UGT1A6: variants seen among roughly 807,000 people sequenced by gnomAD.
The protein encoded by UGT1A6 is UDP glucuronosyltransferase family 1 member A6, also known as UDP-glucuronosyltransferase 1A6.
Under a neutral mutation model 44.4 loss-of-function variants are expected in UGT1A6, and 32 were observed. The observed-to-expected ratio is 0.72, with a 90% confidence interval of 0.54 to 0.97. UGT1A6 has a LOEUF of 0.97. UGT1A6 is among the 50% of genes least tolerant of loss of function. The probability of loss-of-function intolerance (pLI) is 0.00; values close to 1 mark genes in which losing one functional copy is unlikely to be tolerated. For missense variants in UGT1A6, 685 were observed against 661.9 expected (o/e 1.03, Z -0.38); for synonymous variants, 238 against 248.5 (o/e 0.96, Z 0.40).
chr2:233,713,501 G>T (rs771192795), intron 1 of UGT1A6: 2 of 1,613,952 alleles, frequency 1.2e-6, no homozygotes, highest in African/African-American at 2.7e-5. Flanking sequence ...TTCCTGCTGT[G>T]TTTTTCTTGA....
intron 1 of UGT1A6, chr2:233,717,746 TC>T: frequency 2.2e-6 from 1 of 456,424 alleles, no homozygotes; most frequent in South Asian, 1.5e-5. Flanking sequence ...GCTCAGGGTC[TC>T]CCCCTAGAAA....
intron 1 of UGT1A6, among the ~76,000 whole-genome samples, chr2:233,712,488 T>C (rs2076236717): frequency 1.3e-5 from 2 of 152,212 alleles, no homozygotes; most frequent in Admixed American, 1.3e-4. Flanking sequence ...TAAAGAAAGC[T>C]GGCTTAGCAA....
rs536544989 is a variant in UGT1A6 at position 233,747,339 on chromosome 2, C to T, written c.862-19695C>T. 4.1e-5 allele frequency: 65 copies of T among 1,603,348 alleles called. 1 individual carries two copies. The highest frequency in any genetic ancestry group is 5.4e-5 in the African/African-American group (4 of 74,450). ...TACCCATTGATGGCAGCCACTGGCT[C>T]GCATGCGGGAGGCCGTGCGGGAGCT... On this transcript the variant is annotated intron_variant, in intron 1 of 4. Transcript: ENST00000305139.
chr2:233,733,332 C>T (rs1191516826), intron 1 of UGT1A6, among the ~76,000 whole-genome samples: 5 of 152,198 alleles, frequency 3.3e-5, no homozygotes, highest in East Asian at 1.9e-4. Context: ...CTGGCCAGAA[C>T]TTCCAACAGT....
In UGT1A6 at chr2:233,772,555, A is replaced by C. The variant is rs1350310639; in HGVS notation, c.1595A>C (p.His532Pro). 3 of 1,613,990 alleles carry C rather than the reference A, an allele frequency of 1.9e-6. No homozygotes were observed. Among genetic ancestry groups the C allele is most frequent in the East Asian group, 4.5e-5 (2 of 44,878 alleles). Residue 532 changes from histidine (H) to proline (P), a missense_variant, in exon 5 of 5, where the codon CAT becomes CCT. By Grantham distance (77) the His-to-Pro change is moderately conservative (BLOSUM62 -2). Coordinates refer to ENST00000305139, the MANE Select transcript of UGT1A6 (RefSeq NM_001072.4). ...AAGAAAGCCCACAAATCCAAGACCCATTGAGAAGTGGGTGGGAAATAAGGT... is the reference window on the plus strand; with the variant it reads ...AAGAAAGCCCACAAATCCAAGACCCCTTGAGAAGTGGGTGGGAAATAAGGT... Reference protein sequence around the residue: ...RVKKAHKSKTH With the variant: ...RVKKAHKSKTP
intron 1 of UGT1A6, chr2:233,747,082 G>A (rs1458761598): frequency 2.6e-6 from 3 of 1,146,350 alleles, no homozygotes; most frequent in Non-Finnish European, 3.6e-6. Flanking sequence ...TTAACTAGGA[G>A]GAGAGCACTC....
intron 1 of UGT1A6, chr2:233,712,880 A>G (rs1299696609): frequency 5.6e-6 from 9 of 1,597,918 alleles, no homozygotes; most frequent in Admixed American, 1.7e-5. Flanking sequence ...TCTGTCTTCA[A>G]TTACATGTTG....
intron 2 of UGT1A6, 69 bp from the exon 3 acceptor site, chr2:233,767,780 G>A (rs1699481282): frequency 1.9e-6 from 3 of 1,613,138 alleles, no homozygotes; most frequent in Non-Finnish European, 2.5e-6. Flanking sequence ...TTTCTAGTTA[G>A]TATAGCAGAT....
At chr2:233,765,715 T>C (rs1435382994) in intron 1 of UGT1A6, among the ~76,000 whole-genome samples, 2 of 140,082 alleles carry the variant, frequency 1.4e-5, no homozygotes, top group African/African-American at 6.4e-5. Flanking sequence ...TAATAATTAA[T>C]AATAATAATA....
At chr2:233,694,669 C>T (rs2075233719) in intron 1 of UGT1A6, among the ~76,000 whole-genome samples, 1 of 152,152 alleles carries the variant, frequency 6.6e-6, no homozygotes, top group Admixed American at 6.5e-5. Context: ...GAGAGAAAGC[C>T]TCAAACAGGT....
intron 1 of UGT1A6, among the ~76,000 whole-genome samples, chr2:233,749,503 T>G (rs1362784067): frequency 6.6e-6 from 1 of 151,872 alleles, no homozygotes; most frequent in African/African-American, 2.4e-5. Context: ...CTTAGAGAAT[T>G]AGAGAACACT....
intron 1 of UGT1A6, among the ~76,000 whole-genome samples, chr2:233,720,981 G>T (rs746699495): frequency 6.6e-6 from 1 of 151,748 alleles, no homozygotes; most frequent in Non-Finnish European, 1.5e-5. Context: ...AAAGTGCTGG[G>T]ATTACAGGCA....
rs1183097052 is a variant in UGT1A6, at chr2:233,768,306, A to G, written c.1168A>G (p.Met390Val). Residue 390 changes from methionine to valine, a missense_variant, in exon 4 of 5, where the codon ATG (methionine) becomes GTG (valine). Met to Val is a conservative substitution (Grantham distance 21, BLOSUM62 1). Coordinates refer to ENST00000305139, the MANE Select transcript of UGT1A6 (RefSeq NM_001072.4). ...ATGCAATGGCGTTCCCATGGTGATG[A>G]TGCCCTTGTTTGGTGATCAGATGGA... ...SICNGVPMVM[M>V]PLFGDQMDNA... 6.2e-7 allele frequency: 1 copy of G among 1,614,086 alleles called. No homozygotes were observed. The highest frequency in any genetic ancestry group is 1.7e-5 in the Admixed American group (1 of 60,000).
intron 4 of UGT1A6, among the ~76,000 whole-genome samples, chr2:233,768,830 T>G (rs1378078075): frequency 6.6e-6 from 1 of 152,106 alleles, no homozygotes; most frequent in Non-Finnish European, 1.5e-5. Flanking sequence ...GTGATCCACC[T>G]GCCTCGGCCT....
chr2:233,694,694 C>CCT (rs1371949887), intron 1 of UGT1A6, among the ~76,000 whole-genome samples: 4 of 152,204 alleles, frequency 2.6e-5, no homozygotes, highest in Non-Finnish European at 4.4e-5. Flanking sequence ...AAGACCCTTA[C>CCT]CTCTCTTCTT....
chr2:233,747,316 C>T lies in UGT1A6; in HGVS notation c.862-19718C>T, dbSNP rs1693620953. The T allele has an allele frequency of 6.9e-6, 11 of 1,603,150 alleles. No homozygotes were observed. In the South Asian group the frequency reaches 1.2e-4, roughly 18 times the overall value. On this transcript the variant is annotated intron_variant, in intron 1 of 4. Coordinates refer to ENST00000305139, the MANE Select transcript of UGT1A6 (RefSeq NM_001072.4). ...TGAGAGTGGGAAGGTGCTGGTGGTA[C>T]CCATTGATGGCAGCCACTGGCTCGC... is the stretch of plus-strand genomic sequence containing the variant.
intron 1 of UGT1A6, among the ~76,000 whole-genome samples, chr2:233,746,975 C>T (rs1401004389): frequency 1.3e-5 from 2 of 151,722 alleles, no homozygotes; most frequent in Non-Finnish European, 2.9e-5. Context: ...TTCCCCAGAG[C>T]GAGCGCAGGG....
intron 1 of UGT1A6, chr2:233,747,527 T>C: frequency 6.2e-7 from 1 of 1,605,936 alleles, no homozygotes; most frequent in Non-Finnish European, 8.5e-7. Flanking sequence ...AAACAGAACA[T>C]TTTCTGAAGA....
At chr2:233,704,215 T>C (rs946162236) in intron 1 of UGT1A6, among the ~76,000 whole-genome samples, 1 of 151,050 alleles carries the variant, frequency 6.6e-6, no homozygotes, top group African/African-American at 2.4e-5. Flanking sequence ...ATGCTCTATA[T>C]CTCTCATGTA....
Sources: allele counts gnomAD v4.1 joint callset (sites outside exome capture counted in the v4.1 genomes callset), GRCh38; gene constraint gnomAD v4.1.1; transcripts MANE v1.5; gene names NCBI Gene and HGNC (gene_info 2026-07-23, HGNC 2026-07-21).